PUS7: variants seen among roughly 807,000 people sequenced by gnomAD.
The protein encoded by PUS7 is pseudouridylate synthase 7 homolog.
A neutral mutation model predicts 79.8 loss-of-function variants in PUS7; 48 were observed. The observed-to-expected ratio is 0.60, with a 90% confidence interval of 0.48 to 0.76. PUS7 has a LOEUF of 0.76. Among genes scored for constraint, PUS7 ranks in the 30% least tolerant of loss-of-function variants. The probability of loss-of-function intolerance (pLI) is 0.00; values close to 1 mark genes in which losing one functional copy is unlikely to be tolerated. For missense variants in PUS7, 729 were observed against 797.6 expected (o/e 0.91, Z 1.04); for synonymous variants, 286 against 272.2 (o/e 1.05, Z -0.50).
chr7:105,470,942 A>G, intron 10 of PUS7, 94 bp from the exon 11 acceptor site: 1 of 1,346,518 alleles, frequency 7.4e-7, no homozygotes, highest in Non-Finnish European at 9.9e-7. Context: ...AAATTAGAAA[A>G]TGCTACTTGA....
chr7:105,457,639 T>A lies in PUS7; in HGVS notation c.*151A>T. On this transcript the variant is annotated 3_prime_UTR_variant, in exon 16 of 16. Transcript: ENST00000469408. ...GTACATGTACAAATATTGCAAATTATTTCTTTAAGCTAATAAAAACTTAAA... is the reference window on the plus strand; with the variant it reads ...GTACATGTACAAATATTGCAAATTAATTCTTTAAGCTAATAAAAACTTAAA... 2.8e-6 allele frequency: 2 copies of A among 707,580 alleles called. No individual in the cohort carries two copies. The highest frequency in any genetic ancestry group is 4.3e-6 in the Non-Finnish European group (2 of 470,466). The allele number at this position is 707,580 out of a possible 1,614,324, so 43.8% of individuals were successfully genotyped here.
chr7:105,467,191 C>T (rs2133061198), intron 12 of PUS7, among the ~76,000 whole-genome samples: 1 of 151,948 alleles, frequency 6.6e-6, no homozygotes, highest in South Asian at 2.1e-4. Context: ...GCCTGGCACA[C>T]ACAATGGGCT....
At chr7:105,521,774 G>T (rs1417459062) in intron 1 of PUS7, among the ~76,000 whole-genome samples, 3 of 152,116 alleles carry the variant, frequency 2.0e-5, no homozygotes, top group African/African-American at 7.2e-5. Flanking sequence ...GCGCTCGGGC[G>T]CGGCGCCTCC....
chr7:105,521,235 G>T (rs1056995190), intron 1 of PUS7, among the ~76,000 whole-genome samples: 1 of 147,322 alleles, frequency 6.8e-6, no homozygotes, highest in East Asian at 1.9e-4. Flanking sequence ...CTTGGGGATG[G>T]GGGGGAGGGA....
intron 1 of PUS7, among the ~76,000 whole-genome samples, chr7:105,518,096 C>A (rs1446605604): frequency 6.6e-6 from 1 of 150,834 alleles, no homozygotes; most frequent in Admixed American, 6.6e-5. Flanking sequence ...CGCAGTGAGC[C>A]GAGATTGCGC....
intron 2 of PUS7, among the ~76,000 whole-genome samples, chr7:105,507,227 G>A (rs1406469469): frequency 6.6e-6 from 1 of 151,982 alleles, no homozygotes; most frequent in African/African-American, 2.4e-5. Context: ...TGTATTATTA[G>A]TAGAGACAGG....
intron 15 of PUS7, among the ~76,000 whole-genome samples, chr7:105,458,659 G>A (rs1388471441): frequency 1.4e-5 from 2 of 146,626 alleles, no homozygotes; most frequent in Admixed American, 7.1e-5. Flanking sequence ...TACAAGCTCC[G>A]CCTTCTGTGT....
At position 105,467,376 on chromosome 7, in the gene PUS7, G is replaced by A. The variant is rs1014991384; in HGVS notation, c.1525+961C>T. 1.4e-4 allele frequency among the ~76,000 whole-genome samples: 20 copies of A among 147,326 alleles called. No individual in the cohort carries two copies. In the East Asian group the frequency reaches 2.0e-3, roughly 15 times the overall value. The stretch of plus-strand genomic sequence containing the variant: ...GTGATCTCGGCTCACTGCAAGCTCC[G>A]CCTCCCGGGTTCACGCCATTCTCCT... On this transcript the variant is annotated intron_variant, in intron 12 of 15. Transcript: ENST00000469408.
At chr7:105,469,050 C>T (rs1823772264) in intron 11 of PUS7, among the ~76,000 whole-genome samples, 1 of 151,718 alleles carries the variant, frequency 6.6e-6, no homozygotes, top group African/African-American at 2.4e-5. Context: ...TACAGGCGTG[C>T]ACCACCATGC....
chr7:105,491,685 A>C, intron 6 of PUS7, 68 bp from the exon 7 acceptor site: 154 of 916,186 alleles, frequency 1.7e-4, no homozygotes, highest in Middle Eastern at 2.5e-4. Context: ...CCTAATTCTC[A>C]TAATTTAAGT....
intron 1 of PUS7, among the ~76,000 whole-genome samples, chr7:105,514,075 C>T (rs1172070288): frequency 7.4e-6 from 1 of 135,154 alleles, no homozygotes; most frequent in Non-Finnish European, 1.6e-5. Context: ...CTAAAAAATA[C>T]AAAAAATTAG....
At chr7:105,475,539 G>A (rs190772931) in intron 9 of PUS7, among the ~76,000 whole-genome samples, 1 of 151,882 alleles carries the variant, frequency 6.6e-6, no homozygotes, top group African/African-American at 2.4e-5. Flanking sequence ...AGCTAGGATG[G>A]TCTCGATCTC....
intron 9 of PUS7, among the ~76,000 whole-genome samples, chr7:105,479,635 G>T (rs1163057014): frequency 6.6e-6 from 1 of 152,168 alleles, no homozygotes; most frequent in East Asian, 1.9e-4. Flanking sequence ...GTTCTTAATT[G>T]TTTAAAAGTA....
At position 105,506,041 on chromosome 7, in the gene PUS7, T is replaced by A. The variant is rs559062735; in HGVS notation, c.499A>T (p.Ile167Leu). The A allele has an allele frequency of 3.1e-6, 5 of 1,613,754 alleles. No homozygotes were observed. Among genetic ancestry groups the A allele is most frequent in the East Asian group, 2.2e-5 (1 of 44,868 alleles). The change falls in exon 4 of 16, where the codon ATA (isoleucine) becomes TTA (leucine). Residue 167 changes from isoleucine (I) to leucine (L), a missense_variant. Transcript: ENST00000469408. ...PVDEEDPSED[I>L]FTVLTAEEKQ... Reference sequence around the variant, plus strand: ...TCTTCAGCTGTCAAAACTGTAAATATGTCTTCTGAAGGGTCCTTTAAAATA... The same window carrying A: ...TCTTCAGCTGTCAAAACTGTAAATAAGTCTTCTGAAGGGTCCTTTAAAATA...
intron 9 of PUS7, 56 bp from the exon 10 acceptor site, chr7:105,472,249 T>C (rs924551647): frequency 1.3e-5 from 14 of 1,069,678 alleles, no homozygotes; most frequent in African/African-American, 1.1e-4. Context: ...AAACTTTATA[T>C]GCACAAATCT....
intron 7 of PUS7, among the ~76,000 whole-genome samples, chr7:105,483,667 T>G (rs1161072213): frequency 6.6e-6 from 1 of 152,098 alleles, no homozygotes; most frequent in African/African-American, 2.4e-5. Context: ...TATGTTTTTT[T>G]GTATTTTCAG....
chr7:105,458,371 C>T (rs369105546), intron 15 of PUS7, among the ~76,000 whole-genome samples: 1 of 151,858 alleles, frequency 6.6e-6, no homozygotes, highest in African/African-American at 2.4e-5. Context: ...AGCGATTCTC[C>T]TGCCTCAGCC....
chr7:105,457,994 A>G (rs1319688698), intron 15 of PUS7, 68 bp from the exon 16 acceptor site: 20 of 1,553,490 alleles, frequency 1.3e-5, no homozygotes, highest in Non-Finnish European at 1.7e-5. Flanking sequence ...AGAGTCACAT[A>G]ATCTCTAAGC....
intron 1 of PUS7, among the ~76,000 whole-genome samples, chr7:105,513,837 CA>C (rs563422686): frequency 0.042 from 3,528 of 83,394 alleles, 100 homozygotes; most frequent in African/African-American, 0.13. Flanking sequence ...GACTCCGTCT[CA>C]AAAAAAAAAA....
Sources: allele counts gnomAD v4.1 joint callset (sites outside exome capture counted in the v4.1 genomes callset), GRCh38; gene constraint gnomAD v4.1.1; transcripts MANE v1.5; gene names NCBI Gene and HGNC (gene_info 2026-07-23, HGNC 2026-07-21).